Variants in ZBTB7C observed in about 807,000 individuals in gnomAD.
ZBTB7C encodes the protein zinc finger and BTB domain-containing protein 7C.
Under a neutral mutation model 25.7 loss-of-function variants are expected in ZBTB7C, and 8 were observed. That is an observed-to-expected ratio of 0.31 (90% CI 0.18 to 0.56). The LOEUF (loss-of-function observed/expected upper bound fraction) is 0.56, where lower values mean the gene tolerates loss of function less well. ZBTB7C is among the 20% of genes least tolerant of loss of function. The pLI is 0.91. For synonymous variants in ZBTB7C, 394 were observed against 369.0 expected (o/e 1.07, Z -0.78); for missense variants, 824 against 855.2 (o/e 0.96, Z 0.46).
intron 1 of ZBTB7C, among the ~76,000 whole-genome samples, chr18:48,371,282 G>GA (rs1220180858): frequency 1.3e-5 from 2 of 152,136 alleles, no homozygotes; most frequent in African/African-American, 2.4e-5. Flanking sequence ...GTCCCCAGCT[G>GA]AAAAAATACT....
At chr18:48,137,220 G>T (rs911341375) in intron 3 of ZBTB7C, 2 of 985,568 alleles carry the variant, frequency 2.0e-6, no homozygotes, top group Non-Finnish European at 2.4e-6. Context: ...GTATTTGGCC[G>T]GGAGCCCCTT....
intron 3 of ZBTB7C, among the ~76,000 whole-genome samples, chr18:48,135,477 T>C (rs2040121447): frequency 6.6e-6 from 1 of 152,186 alleles, no homozygotes; most frequent in African/African-American, 2.4e-5. Context: ...AGTTTCCCCA[T>C]CTGCAAAGTG....
intron 1 of ZBTB7C, among the ~76,000 whole-genome samples, chr18:48,402,905 T>C (rs1027382850): frequency 2.0e-5 from 3 of 152,212 alleles, no homozygotes; most frequent in Admixed American, 6.5e-5. Context: ...GTAAACTGAA[T>C]GCTAATAGTT....
chr18:48,079,199 C>T (rs957655676), intron 3 of ZBTB7C, among the ~76,000 whole-genome samples: 6 of 152,116 alleles, frequency 3.9e-5, no homozygotes, highest in South Asian at 2.1e-4. Flanking sequence ...ATCATACATG[C>T]GTCACGATAT....
chr18:48,330,345 T>C (rs1233393665), intron 2 of ZBTB7C, among the ~76,000 whole-genome samples: 2 of 152,170 alleles, frequency 1.3e-5, no homozygotes, highest in Non-Finnish European at 2.9e-5. Flanking sequence ...TGTGGACTTT[T>C]AGGTAGCATG....
chr18:48,304,840 T>TAAAAAAAAA, intron 2 of ZBTB7C, among the ~76,000 whole-genome samples: 1 of 29,238 alleles, frequency 3.4e-5, no homozygotes, highest in African/African-American at 1.6e-4. Context: ...AGGCTCTACC[T>TAAAAAAAAA]CAAAAAAAAA....
chr18:48,077,895 C>T (rs1057508666), intron 3 of ZBTB7C, among the ~76,000 whole-genome samples: 2 of 151,486 alleles, frequency 1.3e-5, no homozygotes, highest in Non-Finnish European at 2.9e-5. Flanking sequence ...CTCCCCAGCT[C>T]ACCTGGCTGG....
At chr18:48,065,306 G>C (rs992568873) in intron 3 of ZBTB7C, among the ~76,000 whole-genome samples, 3 of 152,068 alleles carry the variant, frequency 2.0e-5, no homozygotes, top group African/African-American at 7.2e-5. Flanking sequence ...AGCCTTGCTG[G>C]AGATTCGCAA....
rs184488311 is a variant in ZBTB7C at position 48,342,660 on chromosome 18, C to T, written c.-303-4262G>A. On this transcript the variant is annotated intron_variant, in intron 1 of 4. Transcript: ENST00000590800. ...ACAAATGGAATATTTTTTTCTTCCC[C>T]TCTCCTCAACCCCCTGAAGCCTAGG... 5.9e-5 allele frequency among the ~76,000 whole-genome samples: 9 copies of T among 152,246 alleles called. No individual in the cohort carries two copies. In the East Asian group the frequency reaches 1.7e-3, roughly 29 times the overall value.
intron 2 of ZBTB7C, among the ~76,000 whole-genome samples, chr18:48,305,034 T>A (rs1161464717): frequency 6.6e-6 from 1 of 152,122 alleles, no homozygotes; most frequent in Non-Finnish European, 1.5e-5. Context: ...TGATTGATTT[T>A]CTTCCTGAAT....
rs2036529141 is a variant in ZBTB7C, at chr18:48,047,714, A to G, written c.-16-6591T>C. Among the ~76,000 whole-genome samples the G allele has an allele frequency of 2.6e-5, 4 of 152,138 alleles. No homozygotes were observed. In the South Asian group the frequency reaches 8.3e-4, roughly 32 times the overall value. On this transcript the variant is annotated intron_variant, in intron 3 of 4. Transcript: ENST00000590800. ...AGAGCATCTGTCCTCTCAGAGAGAGACTGTGCTCCCCTCTCTCCCTACCAA... is the reference window on the plus strand; with the variant it reads ...AGAGCATCTGTCCTCTCAGAGAGAGGCTGTGCTCCCCTCTCTCCCTACCAA...
chr18:48,052,258 G>A (rs933101326), intron 3 of ZBTB7C, among the ~76,000 whole-genome samples: 1 of 152,174 alleles, frequency 6.6e-6, no homozygotes, highest in South Asian at 2.1e-4. Flanking sequence ...ACCCATGAGA[G>A]CACTATTCTT....
rs139070267 is a variant in ZBTB7C, at chr18:48,072,821, G to A, written c.-16-31698C>T. Among the ~76,000 whole-genome samples, 32 of 152,316 alleles carry A rather than the reference G, an allele frequency of 2.1e-4. No homozygotes were observed. In the East Asian group the frequency reaches 4.3e-3, roughly 20 times the overall value. On this transcript the variant is annotated intron_variant, in intron 3 of 4. Transcript: ENST00000590800. ...CGGCACTGCTGGGGAGAAGGCAGCCGCTCTCCGCTTCATCCTTGGGCTGGG... is the reference window on the plus strand; with the variant it reads ...CGGCACTGCTGGGGAGAAGGCAGCCACTCTCCGCTTCATCCTTGGGCTGGG...
rs188411159 is a variant in ZBTB7C at position 48,337,998 on chromosome 18, C to A, written c.-79+176G>T. On this transcript the variant is annotated intron_variant, in intron 2 of 4. Coordinates refer to ENST00000590800, the MANE Select transcript of ZBTB7C (RefSeq NM_001318841.2). ...TTCCAGTGCTTGGCTCCAGCAAGCA[C>A]ATGGGGCAGAAACTAATAACTATAA... 2.6e-5 allele frequency among the ~76,000 whole-genome samples: 4 copies of A among 152,344 alleles called. No homozygotes were observed. In the East Asian group the frequency reaches 7.7e-4, roughly 29 times the overall value.
At chr18:48,311,563 G>A (rs1182608865) in intron 2 of ZBTB7C, among the ~76,000 whole-genome samples, 3 of 152,086 alleles carry the variant, frequency 2.0e-5, no homozygotes, top group Admixed American at 6.5e-5. Flanking sequence ...CAATGGACAG[G>A]ACAGTCTTGA....
chr18:48,032,238 C>G (rs911747635), intron 4 of ZBTB7C, among the ~76,000 whole-genome samples: 4 of 150,218 alleles, frequency 2.7e-5, no homozygotes, highest in Non-Finnish European at 4.4e-5. Flanking sequence ...CTCAGCCTCT[C>G]GAGTAGCTGG....
chr18:48,082,203 C>T (rs570500834), intron 3 of ZBTB7C, among the ~76,000 whole-genome samples: 1 of 152,196 alleles, frequency 6.6e-6, no homozygotes, highest in Non-Finnish European at 1.5e-5. Context: ...TCCCCTTGCA[C>T]AGCCTATTTG....
chr18:48,244,780 C>A (rs1279961256), intron 2 of ZBTB7C, among the ~76,000 whole-genome samples: 3 of 151,734 alleles, frequency 2.0e-5, no homozygotes, highest in Non-Finnish European at 2.9e-5. Flanking sequence ...TTTAAAAAAT[C>A]AAAAAATAAT....
At chr18:48,126,137 T>A (rs2039792058) in intron 3 of ZBTB7C, among the ~76,000 whole-genome samples, 1 of 152,220 alleles carries the variant, frequency 6.6e-6, no homozygotes, top group Non-Finnish European at 1.5e-5. Context: ...TTTTCCTTTA[T>A]TACCTCTCAG....
Sources: allele counts gnomAD v4.1 joint callset (sites outside exome capture counted in the v4.1 genomes callset), GRCh38; gene constraint gnomAD v4.1.1; transcripts MANE v1.5; gene names NCBI Gene and HGNC (gene_info 2026-07-23, HGNC 2026-07-21).